ZNF254: variants seen among roughly 807,000 people sequenced by gnomAD.
ZNF254 encodes CTD-2017D11.1.
In ZNF254, 10 loss-of-function variants were observed where a neutral mutation model predicts 12.4. The observed-to-expected ratio is 0.80, with a 90% confidence interval of 0.50 to 1.36. The LOEUF (loss-of-function observed/expected upper bound fraction) is 1.36. Ranked by LOEUF, ZNF254 falls within the 40% of genes most tolerant of loss-of-function variation. The pLI is 0.00. For synonymous variants in ZNF254, 305 were observed against 253.4 expected, an observed-to-expected ratio of 1.20 and a Z score of -1.93; for missense variants, 996 against 763.9, an observed-to-expected ratio of 1.30 and a Z score of -3.58.
intron 1 of ZNF254, among the ~76,000 whole-genome samples, chr19:24,039,725 G>A (rs17712357): frequency 0.16 from 24,293 of 152,148 alleles, 2,116 homozygotes; most frequent in Middle Eastern, 0.23. Flanking sequence ...TCTAGAGCCA[G>A]TAAATACATG....
rs762215595 is a variant in ZNF254 at position 24,127,680 on chromosome 19, C to G, written c.1680C>G (p.Ile560Met). The change falls in exon 4 of 4, where the codon ATC becomes ATG. Residue 560 changes from isoleucine (I) to methionine (M), a missense_variant. Physicochemically the swap from Ile to Met is conservative, Grantham distance 10. Transcript: ENST00000357002. ...GCAAAGCCTTTAAGCAGTCTTCAAT[C>G]CTTACTAACCATAAGAGAATTCATA... ...KCGKAFKQSSILTNHKRIHTG... is the reference protein window; with the variant it reads ...KCGKAFKQSSMLTNHKRIHTG... The G allele has an allele frequency of 6.2e-7, 1 of 1,613,132 alleles. No individual in the cohort carries two copies. The highest frequency in any genetic ancestry group is 8.5e-7 in the Non-Finnish European group (1 of 1,179,688).
At chr19:24,066,652 C>T (rs1363251131) in intron 2 of ZNF254, 2 of 151,966 alleles carry the variant, frequency 1.3e-5, no homozygotes, top group African/African-American at 4.8e-5. Flanking sequence ...TCGAGACCAG[C>T]CTGGTCAACA....
Position 24,126,965 on chromosome 19 carries a change from A to T in ZNF254, c.965A>T (p.Tyr322Phe). The T allele has an allele frequency of 6.2e-7, 1 of 1,613,666 alleles. No individual in the cohort carries two copies. Among genetic ancestry groups the T allele is most frequent in the Non-Finnish European group, 8.5e-7 (1 of 1,179,788 alleles). ...HKKIHTRKKP[Y>F]KCEECGKAFI... ...AAAATTCATACTAGAAAGAAACCCT[A>T]CAAGTGTGAAGAATGTGGCAAAGCA... Residue 322 changes from tyrosine to phenylalanine, a missense_variant, in exon 4 of 4, where the codon TAC becomes TTC. Coordinates refer to ENST00000357002, the MANE Select transcript of ZNF254 (RefSeq NM_203282.4).
chr19:24,125,321 C>T (rs1397431996), intron 3 of ZNF254, among the ~76,000 whole-genome samples: 1 of 138,228 alleles, frequency 7.2e-6, no homozygotes, highest in Non-Finnish European at 1.6e-5. Flanking sequence ...TTATTCTTGT[C>T]CTCATTTTTC....
At position 24,127,119 on chromosome 19, in the gene ZNF254, T is replaced by C. The variant is rs368122462; in HGVS notation, c.1119T>C (p.Thr373=). Residue 373 remains threonine, a synonymous_variant, in exon 4 of 4, where the codon ACT becomes ACC. Coordinates refer to ENST00000357002, the MANE Select transcript of ZNF254 (RefSeq NM_203282.4). The part of the protein sequence containing the change: ...STLTTHKIIH[T]GEKRYKCLEC... ...TTACTACACATAAGATAATTCATACTGGAGAGAAACGCTACAAATGCTTAG... is the reference window on the plus strand; with the variant it reads ...TTACTACACATAAGATAATTCATACCGGAGAGAAACGCTACAAATGCTTAG... The C allele has an allele frequency of 1.4e-5, 23 of 1,613,532 alleles. No individual in the cohort carries two copies. The Admixed American group carries it at 2.7e-4, about 19-fold the overall frequency.
intron 2 of ZNF254, among the ~76,000 whole-genome samples, chr19:24,049,210 A>ATTT (rs1256957447): frequency 6.7e-4 from 31 of 46,198 alleles, no homozygotes; most frequent in African/African-American, 3.0e-3. Context: ...ATATATATAT[A>ATTT]TATATTTTTT....
chr19:24,061,550 C>T (rs1971066650), intron 2 of ZNF254, among the ~76,000 whole-genome samples: 1 of 152,188 alleles, frequency 6.6e-6, no homozygotes, highest in South Asian at 2.1e-4. Flanking sequence ...AAAATTGTAA[C>T]ATGCCACTGG....
intron 2 of ZNF254, among the ~76,000 whole-genome samples, chr19:24,049,203 TA>T (rs1568426403): frequency 2.6e-4 from 18 of 68,490 alleles, no homozygotes; most frequent in East Asian, 1.1e-3. Context: ...TATATATATA[TA>T]TATATATATA....
chr19:24,117,676 G>A (rs1321427051), intron 3 of ZNF254, among the ~76,000 whole-genome samples: 1 of 151,982 alleles, frequency 6.6e-6, no homozygotes, highest in Non-Finnish European at 1.5e-5. Context: ...CCCTGCTTCG[G>A]CTCTTCCACG....
At chr19:24,050,626 C>T (rs1396348736) in intron 2 of ZNF254, among the ~76,000 whole-genome samples, 24 of 152,210 alleles carry the variant, frequency 1.6e-4, no homozygotes, top group Admixed American at 1.4e-3. Context: ...TCTGCTGACT[C>T]GCAGAAGTCA....
chr19:24,111,709 A>G (rs1361927421), intron 3 of ZNF254, among the ~76,000 whole-genome samples: 29 of 152,056 alleles, frequency 1.9e-4, no homozygotes, highest in South Asian at 6.2e-4. Context: ...GCCAGTGATG[A>G]TGAGCATTTT....
chr19:24,128,288 G>A lies in ZNF254; in HGVS notation c.*308G>A. 1 of 269,838 alleles carries A rather than the reference G, an allele frequency of 3.7e-6. No individual in the cohort carries two copies. Among genetic ancestry groups the A allele is most frequent in the Non-Finnish European group, 6.9e-6 (1 of 145,434 alleles). The allele number at this position is 269,838 out of a possible 1,614,324, so 16.7% of individuals were successfully genotyped here. ...AAAGCATTTATACTTGAGAAGAAATGTACAAATATTGGCAAAGTAAAAAAT... is the reference window on the plus strand; with the variant it reads ...AAAGCATTTATACTTGAGAAGAAATATACAAATATTGGCAAAGTAAAAAAT... On this transcript the variant is annotated 3_prime_UTR_variant, in exon 4 of 4. Transcript: ENST00000357002.
intron 3 of ZNF254, among the ~76,000 whole-genome samples, chr19:24,122,284 G>T (rs185145200): frequency 4.7e-4 from 71 of 151,962 alleles, no homozygotes; most frequent in Non-Finnish European, 9.6e-4. Flanking sequence ...AAGTGCAGTG[G>T]CACCATCTCA....
At chr19:24,083,648 A>G (rs932063160), upstream of ZNF254, among the ~76,000 whole-genome samples, 1 of 152,204 alleles carries the variant, frequency 6.6e-6, no homozygotes, top group Non-Finnish European at 1.5e-5. Flanking sequence ...CCAAAAGCAC[A>G]TGCAACATGA....
chr19:24,106,746 A>T (rs1445107076), intron 3 of ZNF254, 103 bp downstream of exon 3: 28 of 1,089,850 alleles, frequency 2.6e-5, no homozygotes, highest in Non-Finnish European at 3.3e-5. Context: ...CAAAGGAAAT[A>T]GTTTCTGGGA....
At position 24,129,837 on chromosome 19, in the gene ZNF254, T is replaced by C. The variant is rs902756839; in HGVS notation, c.*1857T>C. 6.6e-6 allele frequency: 1 copy of C among 152,012 alleles called. No individual in the cohort carries two copies. The highest frequency in any genetic ancestry group is 1.9e-4 in the East Asian group (1 of 5,192). The allele number at this position is 152,012 out of a possible 1,614,324, so 9.4% of individuals were successfully genotyped here. On this transcript the variant is annotated 3_prime_UTR_variant, in exon 4 of 4. Transcript: ENST00000357002. ...TACATTTCTGAGTTCTGAATAAATA[T>C]TTTTAAAAATTTTAATATATTTTTC...
At chr19:24,085,427 A>ATATATATGT (rs1369362234), upstream of ZNF254, among the ~76,000 whole-genome samples, 36 of 42,448 alleles carry the variant, frequency 8.5e-4, 3 homozygotes, top group South Asian at 0.017. Flanking sequence ...TATATATATA[A>ATATATATGT]AAACTAAGAT....
intron 2 of ZNF254, chr19:24,065,572 C>T (rs1298255825): frequency 6.6e-6 from 1 of 152,178 alleles, no homozygotes; most frequent in East Asian, 1.9e-4. Context: ...CTGGACATTC[C>T]TGTGGGTGTG....
At chr19:24,115,097 C>G (rs1278857895) in intron 3 of ZNF254, among the ~76,000 whole-genome samples, 1 of 152,154 alleles carries the variant, frequency 6.6e-6, no homozygotes, top group Non-Finnish European at 1.5e-5. Context: ...CTAGTTCAAC[C>G]ATTGTGGAAG....
Sources: gnomAD v4.1 joint callset for allele counts (sites outside exome capture counted in the v4.1 genomes callset) on GRCh38, gnomAD v4.1.1 for gene constraint, MANE v1.5 for transcripts, NCBI Gene and HGNC (gene_info 2026-07-23, HGNC 2026-07-21) for gene names.